KALRN: variants seen among roughly 807,000 people sequenced by gnomAD.
KALRN encodes the protein kalirin.
A neutral mutation model predicts 353.7 loss-of-function variants in KALRN; 70 were observed. That is an observed-to-expected ratio of 0.20 (90% CI 0.16 to 0.24). The LOEUF (loss-of-function observed/expected upper bound fraction) is 0.24, where lower values mean the gene tolerates loss of function less well. Among genes scored for constraint, KALRN ranks in the 10% least tolerant of loss-of-function variants. KALRN has a pLI of 1.00. For missense variants in KALRN, 2,791 were observed against 3,756.7 expected, an observed-to-expected ratio of 0.74 and a Z score of 6.72; for synonymous variants, 1,391 against 1,434.8, an observed-to-expected ratio of 0.97 and a Z score of 0.69.
chr3:124,362,921 T>C (rs2084220026), intron 10 of KALRN, among the ~76,000 whole-genome samples: 1 of 152,244 alleles, frequency 6.6e-6, no homozygotes, highest in South Asian at 2.1e-4. Flanking sequence ...TAGGATTATT[T>C]GGATGTAGAT....
At chr3:124,371,066 A>G (rs1381350303) in intron 10 of KALRN, among the ~76,000 whole-genome samples, 1 of 152,232 alleles carries the variant, frequency 6.6e-6, no homozygotes, top group Non-Finnish European at 1.5e-5. Flanking sequence ...AAGCTTCACC[A>G]TAAATTTGAT....
intron 3 of KALRN, among the ~76,000 whole-genome samples, chr3:124,248,435 T>A (rs2070654117): frequency 6.6e-6 from 1 of 152,224 alleles, no homozygotes; most frequent in African/African-American, 2.4e-5. Flanking sequence ...CAGAGCCTTC[T>A]GCCAGGGGAC....
intron 1 of KALRN, among the ~76,000 whole-genome samples, chr3:124,140,753 G>A (rs1041568031): frequency 6.6e-5 from 10 of 152,146 alleles, no homozygotes; most frequent in Non-Finnish European, 1.3e-4. Flanking sequence ...TTTCACCAGA[G>A]CATACAGTTT....
intron 37 of KALRN, 130 bp from the exon 38 acceptor site, chr3:124,650,678 A>T: frequency 1.1e-6 from 1 of 875,780 alleles, no homozygotes. Flanking sequence ...CTAGTGCTTC[A>T]CTGTGGTTTG....
At chr3:124,098,702 A>T (rs559195847) in intron 1 of KALRN, among the ~76,000 whole-genome samples, 69 of 152,018 alleles carry the variant, frequency 4.5e-4, no homozygotes, top group Middle Eastern at 6.8e-3. Flanking sequence ...CTTGCCTCTA[A>T]TCCTGAGTGC....
chr3:124,573,424 T>C (rs1578080579), intron 34 of KALRN, among the ~76,000 whole-genome samples: 2 of 152,186 alleles, frequency 1.3e-5, no homozygotes, highest in Non-Finnish European at 2.9e-5. Context: ...TAGGGCTGAG[T>C]ACAGGGTGTT....
At chr3:124,636,879 C>T (rs531165380) in intron 36 of KALRN, among the ~76,000 whole-genome samples, 10 of 152,292 alleles carry the variant, frequency 6.6e-5, no homozygotes, top group Non-Finnish European at 1.0e-4. Flanking sequence ...CAGTAGCCCC[C>T]GCCCTCCAAG....
chr3:124,354,777 A>G (rs1256613108), intron 10 of KALRN, among the ~76,000 whole-genome samples: 1 of 152,202 alleles, frequency 6.6e-6, no homozygotes, highest in Non-Finnish European at 1.5e-5. Context: ...AGAAAATGGC[A>G]ATAGAAGAGG....
intron 1 of KALRN, among the ~76,000 whole-genome samples, chr3:124,098,410 C>T (rs1168611395): frequency 6.6e-6 from 1 of 152,210 alleles, no homozygotes; most frequent in Non-Finnish European, 1.5e-5. Flanking sequence ...TCTCCCTCTT[C>T]TCCTTCTGGC....
intron 57 of KALRN, among the ~76,000 whole-genome samples, chr3:124,705,798 CCCTCCCTTCCTTCCTTCCTT>C (rs1014349628): frequency 2.8e-5 from 4 of 145,130 alleles, no homozygotes; most frequent in African/African-American, 1.0e-4. Flanking sequence ...AAAGACTGGT[CCCTCCCTTCCTTCCTTCCTT>C]CCTCCCTTCC....
intron 1 of KALRN, among the ~76,000 whole-genome samples, chr3:124,034,955 C>T (rs2039276725): frequency 6.6e-6 from 1 of 152,028 alleles, no homozygotes; most frequent in Non-Finnish European, 1.5e-5. Context: ...GTTACCTTGC[C>T]CTGGAGGTCA....
Position 124,422,884 on chromosome 3 carries a change from A to G in KALRN, c.2615A>G (p.Glu872Gly). ...CAAGAGTTATTGGAATTTCTCCATGAGAAGCAGCATGAATTGGAGCTCAAT... is the reference window on the plus strand; with the variant it reads ...CAAGAGTTATTGGAATTTCTCCATGGGAAGCAGCATGAATTGGAGCTCAAT... ...QVQELLEFLH[E>G]KQHELELNAE... Residue 872 changes from glutamate to glycine, a missense_variant, in exon 15 of 60, where the codon GAG (glutamate) becomes GGG (glycine). Coordinates refer to ENST00000682506, the MANE Select transcript of KALRN (RefSeq NM_001388419.1). 6.2e-7 allele frequency: 1 copy of G among 1,613,972 alleles called. No individual in the cohort carries two copies. The highest frequency in any genetic ancestry group is 8.5e-7 in the Non-Finnish European group (1 of 1,179,866).
At position 124,699,902 on chromosome 3, in the gene KALRN, C is replaced by A; in HGVS notation, c.7865C>A (p.Thr2622Asn). 6.2e-7 allele frequency: 1 copy of A among 1,614,218 alleles called. No homozygotes were observed. The highest frequency in any genetic ancestry group is 8.5e-7 in the Non-Finnish European group (1 of 1,180,040). ...SQIWQQSVAS[T>N]LDTYLVIEDL... ...ATCTGGCAGCAGTCAGTGGCTTCGA[C>A]CTTGGACACTTACCTCGTCATCGAA... The change falls in exon 56 of 60, where the codon ACC becomes AAC. Residue 2622 changes from threonine (T) to asparagine (N), a missense_variant. Thr to Asn is a moderately conservative substitution (Grantham distance 65). This residue lies in a region of KALRN where 1,065 missense variants were observed against 1,156.4 expected (regional missense o/e 0.92). Transcript: ENST00000682506.
At position 124,575,182 on chromosome 3, in the gene KALRN, G is replaced by A. The variant is rs193259672; in HGVS notation, c.5182+12093G>A. On this transcript the variant is annotated intron_variant, in intron 34 of 59. Transcript: ENST00000682506. ...GACTGGGTTGTCTTGTTTTCTCCCC[G>A]TATCCACTAACCCCAGCCAGAATCT... Among the ~76,000 whole-genome samples, 80 of 152,248 alleles carry A rather than the reference G, an allele frequency of 5.3e-4. 4 individuals carry two copies. In the East Asian group the frequency reaches 9.3e-3, roughly 18 times the overall value.
intron 1 of KALRN, chr3:124,094,199 A>C (rs533134544): frequency 1.7e-4 from 26 of 154,914 alleles, no homozygotes; most frequent in African/African-American, 6.2e-4. Context: ...GTGTGACTTC[A>C]AAGCCCATGC....
intron 37 of KALRN, among the ~76,000 whole-genome samples, chr3:124,643,953 T>C (rs1385136360): frequency 6.6e-6 from 1 of 152,214 alleles, no homozygotes; most frequent in East Asian, 1.9e-4. Flanking sequence ...ATTAGTTAAA[T>C]AAAATTTTGG....
At chr3:124,265,997 C>G (rs143713606) in intron 4 of KALRN, among the ~76,000 whole-genome samples, 3 of 152,098 alleles carry the variant, frequency 2.0e-5, no homozygotes, top group East Asian at 1.9e-4. Flanking sequence ...TGCCTGTAAT[C>G]CAAGCTACTC....
At position 124,119,121 on chromosome 3, in the gene KALRN, C is replaced by T. The variant is rs117617427; in HGVS notation, c.73+85308C>T. Among the ~76,000 whole-genome samples the T allele has an allele frequency of 2.3e-4, 35 of 152,216 alleles. No homozygotes were observed. The East Asian group carries it at 6.2e-3, about 27-fold the overall frequency. Reference sequence around the variant, plus strand: ...GGTAGCTGAGCAGGTAAGCCTTTTACGAATGTGTGTAGATTTGAGACCTGC... The same window carrying T: ...GGTAGCTGAGCAGGTAAGCCTTTTATGAATGTGTGTAGATTTGAGACCTGC... On this transcript the variant is annotated intron_variant, in intron 1 of 59. Transcript: ENST00000682506.
intron 1 of KALRN, among the ~76,000 whole-genome samples, chr3:124,199,150 A>G (rs2075722637): frequency 6.6e-6 from 1 of 152,200 alleles, no homozygotes; most frequent in African/African-American, 2.4e-5. Flanking sequence ...CACAGGTTGG[A>G]GCATTGATAC....
Sources: allele counts gnomAD v4.1 joint callset (sites outside exome capture counted in the v4.1 genomes callset), GRCh38; gene constraint gnomAD v4.1.1; regional missense constraint gnomAD v4.1.1; transcripts MANE v1.5; gene names NCBI Gene and HGNC (gene_info 2026-07-23, HGNC 2026-07-21).